SPTY2D1: variants seen among roughly 807,000 people sequenced by gnomAD.
SPTY2D1 encodes the protein SPT2 chromatin protein domain containing 1, also known as protein SPT2 homolog.
In SPTY2D1, 21 loss-of-function variants were observed where a neutral mutation model predicts 64.0. The ratio of observed to expected loss-of-function variants is 0.33; its 90% CI spans 0.23 to 0.47. The LOEUF (loss-of-function observed/expected upper bound fraction) is 0.47. SPTY2D1 is among the 20% of genes least tolerant of loss of function. SPTY2D1 has a pLI of 1.00. For missense variants in SPTY2D1, 724 were observed against 837.2 expected (o/e 0.86, Z 1.67); for synonymous variants, 287 against 286.8 (o/e 1.00, Z -0.01).
At position 18,615,812 on chromosome 11, in the gene SPTY2D1, G is replaced by A. The variant is rs1216509748; in HGVS notation, c.462C>T (p.Ser154=). ...CACTTTTAAGGGGGACCTTTGGTTT[G>A]CTTTCAACTTTGGGAGGTTCTTGCT... The part of the protein sequence containing the change: ...EEEQEPPKVE[S]KPKVPLKSAP... The change falls in exon 3 of 6, where the codon AGC becomes AGT. Residue 154 remains serine (S), a synonymous_variant. Coordinates refer to ENST00000336349, the MANE Select transcript of SPTY2D1 (RefSeq NM_194285.3). 3 of 1,614,084 alleles carry A rather than the reference G, an allele frequency of 1.9e-6. No individual in the cohort carries two copies. Among genetic ancestry groups the A allele is most frequent in the Non-Finnish European group, 2.5e-6 (3 of 1,180,008 alleles).
chr11:18,626,366 A>G (rs185076709), intron 1 of SPTY2D1, among the ~76,000 whole-genome samples: 51 of 152,102 alleles, frequency 3.4e-4, no homozygotes, highest in South Asian at 1.0e-3. Context: ...CAGCCTTTAC[A>G]TTTGTCTCCC....
chr11:18,615,733 A>G lies in SPTY2D1; in HGVS notation c.541T>C (p.Phe181Leu), dbSNP rs1466767022. The G allele has an allele frequency of 1.2e-6, 2 of 1,613,704 alleles. No homozygotes were observed. Among genetic ancestry groups the G allele is most frequent in the Non-Finnish European group, 1.7e-6 (2 of 1,179,886 alleles). ...DLLRLAEKKQ[F>L]EPVEIKVVKK... ...ACTACCTTGATTTCCACTGGTTCAA[A>G]CTGCTTTTTCTCAGCCAGCCTGAGT... The change falls in exon 3 of 6, where the codon TTT becomes CTT. Residue 181 changes from phenylalanine to leucine, a missense_variant. Coordinates refer to ENST00000336349, the MANE Select transcript of SPTY2D1 (RefSeq NM_194285.3).
At position 18,612,228 on chromosome 11, in the gene SPTY2D1, T is replaced by C; in HGVS notation, c.1886+86A>G. 1 of 1,079,076 alleles carries C rather than the reference T, an allele frequency of 9.3e-7. No individual in the cohort carries two copies. The highest frequency in any genetic ancestry group is 1.3e-6 in the Non-Finnish European group (1 of 769,324). The allele number at this position is 1,079,076 out of a possible 1,614,324, so 66.8% of individuals were successfully genotyped here. A position where few individuals can be genotyped will look rare whatever the true frequency, so the allele number is the denominator to read the frequency against. On this transcript the variant is annotated intron_variant, in intron 4 of 5. Transcript: ENST00000336349. This position sits in a 1 kb window ranked among gnomAD's most constrained non-coding sequence, Gnocchi z 4.6. ...CTAATTAAGAATTGTATTCAGTGCC[T>C]CCACTATTAGTTTATTACCCCATGA... is the stretch of plus-strand genomic sequence containing the variant.
intron 1 of SPTY2D1, among the ~76,000 whole-genome samples, chr11:18,617,389 G>A (rs1320225660): frequency 1.3e-5 from 2 of 151,870 alleles, no homozygotes; most frequent in Non-Finnish European, 2.9e-5. Context: ...CACTTTGGGA[G>A]GCGGAGGCGG....
At chr11:18,633,051 C>T (rs1224747765) in intron 1 of SPTY2D1, among the ~76,000 whole-genome samples, 1 of 152,062 alleles carries the variant, frequency 6.6e-6, no homozygotes, top group African/African-American at 2.4e-5. Flanking sequence ...TTATGACTCA[C>T]GGCTTAGAGG....
chr11:18,608,636 C>T lies in SPTY2D1; in HGVS notation c.*1225G>A, dbSNP rs1325747135. The T allele has an allele frequency of 6.6e-6, 1 of 152,204 alleles. No individual in the cohort carries two copies. The highest frequency in any genetic ancestry group is 1.5e-5 in the Non-Finnish European group (1 of 68,044). The allele number at this position is 152,204 out of a possible 1,614,324, so 9.4% of individuals were successfully genotyped here. On this transcript the variant is annotated 3_prime_UTR_variant, in exon 6 of 6. Coordinates refer to ENST00000336349, the MANE Select transcript of SPTY2D1 (RefSeq NM_194285.3). ...TTCTTGAGACTTGGCTTCCTTCCAG[C>T]ATGATCCTAAGTCAGCCTGATTGGA... is the stretch of plus-strand genomic sequence containing the variant.
chr11:18,623,632 T>C (rs534428812), intron 1 of SPTY2D1, among the ~76,000 whole-genome samples: 33 of 152,306 alleles, frequency 2.2e-4, no homozygotes, highest in Non-Finnish European at 3.8e-4. Flanking sequence ...AATGAAGGCA[T>C]AAGAGCAAAA....
chr11:18,626,189 A>C (rs562300937), intron 1 of SPTY2D1, among the ~76,000 whole-genome samples: 62 of 152,074 alleles, frequency 4.1e-4, no homozygotes, highest in Middle Eastern at 3.4e-3. Flanking sequence ...CCTTTCCCTA[A>C]TTTCCACCTG....
intron 2 of SPTY2D1, among the ~76,000 whole-genome samples, 162 bp downstream of exon 2, chr11:18,616,713 A>C (rs2134111696): frequency 7.0e-6 from 1 of 141,978 alleles, no homozygotes; most frequent in Admixed American, 7.5e-5. Context: ...TAAAGCCATG[A>C]ATACAGTCAG....
Position 18,616,062 on chromosome 11 carries a change from T to C in SPTY2D1, c.212A>G (p.Lys71Arg). ...EEKRRKEELVKKRIELKHDKK... is the reference protein window; with the variant it reads ...EEKRRKEELVRKRIELKHDKK... ...GTCATGTTTGAGCTCAATTCGCTTT[T>C]TCACTAGTTCCTCTTTTCTCCTTTT... Residue 71 changes from lysine to arginine, a missense_variant, in exon 3 of 6, where the codon AAA (lysine) becomes AGA (arginine). Physicochemically the swap from Lys to Arg is conservative, Grantham distance 26. This residue lies in a region of SPTY2D1 where 179 missense variants were observed against 232.5 expected (regional missense o/e 0.77). Coordinates refer to ENST00000336349, the MANE Select transcript of SPTY2D1 (RefSeq NM_194285.3). The C allele has an allele frequency of 6.2e-7, 1 of 1,611,668 alleles. No individual in the cohort carries two copies. The highest frequency in any genetic ancestry group is 8.5e-7 in the Non-Finnish European group (1 of 1,178,916).
chr11:18,631,771 GAA>G (rs1309064072), intron 1 of SPTY2D1, among the ~76,000 whole-genome samples: 1 of 152,174 alleles, frequency 6.6e-6, no homozygotes, highest in Admixed American at 6.5e-5. Flanking sequence ...CCTTATGTTT[GAA>G]AGTGTCCAAA....
At chr11:18,620,097 T>G (rs1257831260) in intron 1 of SPTY2D1, among the ~76,000 whole-genome samples, 3 of 152,214 alleles carry the variant, frequency 2.0e-5, no homozygotes, top group African/African-American at 4.8e-5. Flanking sequence ...CAGTGTTCAG[T>G]AAGCTTCAGT....
chr11:18,610,728 T>C (rs939372115), intron 5 of SPTY2D1, among the ~76,000 whole-genome samples: 1 of 125,098 alleles, frequency 8.0e-6, no homozygotes, highest in Non-Finnish European at 1.8e-5. Flanking sequence ...TTTACCCCAA[T>C]AGAGAAAGTA....
intron 3 of SPTY2D1, among the ~76,000 whole-genome samples, 161 bp downstream of exon 3, chr11:18,614,402 A>C (rs912927036): frequency 6.6e-6 from 1 of 152,224 alleles, no homozygotes; most frequent in African/African-American, 2.4e-5. Flanking sequence ...AAAAACAAGG[A>C]ACTCTCAACC....
At chr11:18,618,048 C>A (rs1270268470) in intron 1 of SPTY2D1, among the ~76,000 whole-genome samples, 1 of 152,126 alleles carries the variant, frequency 6.6e-6, no homozygotes, top group South Asian at 2.1e-4. Context: ...ACTTTTCAAA[C>A]GAACAGAAAA....
At chr11:18,620,552 G>A (rs1254152763) in intron 1 of SPTY2D1, among the ~76,000 whole-genome samples, 1 of 151,862 alleles carries the variant, frequency 6.6e-6, no homozygotes, top group African/African-American at 2.4e-5. Flanking sequence ...CAAAATGACT[G>A]ACTTGAACAA....
Position 18,609,970 on chromosome 11 carries a change from TA to T in SPTY2D1, c.1965-17del. Reference sequence around the variant, plus strand: ...CAGTCTTAAGCTGCCAAAGAATTTTTAAAGGGTATTTGTCAATATACATGAG... The same window carrying T: ...CAGTCTTAAGCTGCCAAAGAATTTTTAAGGGTATTTGTCAATATACATGAG... On this transcript the variant is annotated splice_polypyrimidine_tract_variant and intron_variant, in intron 5 of 5. Transcript: ENST00000336349. 6.2e-7 allele frequency: 1 copy of T among 1,609,294 alleles called. No homozygotes were observed. The highest frequency in any genetic ancestry group is 8.5e-7 in the Non-Finnish European group (1 of 1,176,818).
chr11:18,619,812 C>A (rs982664304), intron 1 of SPTY2D1, among the ~76,000 whole-genome samples: 1 of 152,098 alleles, frequency 6.6e-6, no homozygotes, highest in Non-Finnish European at 1.5e-5. Flanking sequence ...CATAGAGTTA[C>A]AAAGCCCCAT....
chr11:18,621,029 C>T (rs1010843809), intron 1 of SPTY2D1, among the ~76,000 whole-genome samples: 1 of 151,926 alleles, frequency 6.6e-6, no homozygotes, highest in Non-Finnish European at 1.5e-5. Context: ...TGAGGCCGGG[C>T]GTGGTGGCTC....
Sources: allele counts gnomAD v4.1 joint callset (sites outside exome capture counted in the v4.1 genomes callset), GRCh38; gene constraint gnomAD v4.1.1; regional missense constraint gnomAD v4.1.1; non-coding constraint Gnocchi (gnomAD v3.1); transcripts MANE v1.5; gene names NCBI Gene and HGNC (gene_info 2026-07-23, HGNC 2026-07-21).